Variants in UBE2H observed in about 807,000 individuals in gnomAD.
The protein encoded by UBE2H is ubiquitin-conjugating enzyme E2 H.
A neutral mutation model predicts 29.0 loss-of-function variants in UBE2H; 3 were observed. That is an observed-to-expected ratio of 0.10 (90% CI 0.05 to 0.27). UBE2H has a LOEUF of 0.27. UBE2H is among the 10% of genes least tolerant of loss of function. The pLI, the probability that UBE2H is intolerant of heterozygous loss-of-function variation, is 1.00. For missense variants in UBE2H, 68 were observed against 228.2 expected (o/e 0.30, Z 4.52); for synonymous variants, 69 against 82.9 (o/e 0.83, Z 0.91).
At chr7:129,904,557 G>A (rs1162326253) in intron 1 of UBE2H, among the ~76,000 whole-genome samples, 2 of 152,068 alleles carry the variant, frequency 1.3e-5, no homozygotes, top group East Asian at 3.9e-4. Context: ...GTACTATTTT[G>A]TCTTTTTATA....
At chr7:129,876,880 C>T (rs972109022) in intron 3 of UBE2H, among the ~76,000 whole-genome samples, 26 of 152,296 alleles carry the variant, frequency 1.7e-4, no homozygotes, top group African/African-American at 5.1e-4. Context: ...AGGGACATCT[C>T]ATGCAATCAT....
chr7:129,921,000 A>T (rs1162396394), intron 1 of UBE2H, among the ~76,000 whole-genome samples: 1 of 898 alleles, frequency 1.1e-3, no homozygotes, highest in Non-Finnish European at 0.17. Flanking sequence ...CTCTGCCTCT[A>T]AAAAAAAAAA....
chr7:129,873,070 A>G (rs1399010534), intron 3 of UBE2H, among the ~76,000 whole-genome samples: 4 of 147,882 alleles, frequency 2.7e-5, no homozygotes, highest in Non-Finnish European at 5.9e-5. Flanking sequence ...CCCAGGCTGG[A>G]GTGCCGTGGC....
At chr7:129,952,480 G>T (rs772381855) in intron 1 of UBE2H, 23 bp downstream of exon 1, 2 of 1,611,070 alleles carry the variant, frequency 1.2e-6, no homozygotes, top group Non-Finnish European at 1.7e-6. Context: ...CACACAGCCC[G>T]AATTCCCCTC....
intron 1 of UBE2H, among the ~76,000 whole-genome samples, chr7:129,907,134 C>CT (rs1487402987): frequency 3.6e-4 from 36 of 99,284 alleles, no homozygotes; most frequent in African/African-American, 8.3e-4. Context: ...AGGGGGTGTT[C>CT]TTGTTTTTTT....
intron 5 of UBE2H, among the ~76,000 whole-genome samples, chr7:129,848,658 C>G (rs1278980045): frequency 6.6e-6 from 1 of 152,170 alleles, no homozygotes; most frequent in Admixed American, 6.5e-5. Flanking sequence ...AGCTGTTGAC[C>G]TTTCAAAATT....
At chr7:129,945,792 G>A (rs992412508) in intron 1 of UBE2H, among the ~76,000 whole-genome samples, 1 of 151,890 alleles carries the variant, frequency 6.6e-6, no homozygotes, top group African/African-American at 2.4e-5. Context: ...CTAGGCTGGA[G>A]TGCAATGGCG....
At chr7:129,865,953 G>T (rs1487832357) in intron 3 of UBE2H, among the ~76,000 whole-genome samples, 2 of 152,150 alleles carry the variant, frequency 1.3e-5, no homozygotes, top group Non-Finnish European at 2.9e-5. Flanking sequence ...AGGGTGGGGG[G>T]GTGCTGCCAG....
At chr7:129,848,776 T>C (rs973468453) in intron 5 of UBE2H, among the ~76,000 whole-genome samples, 3 of 151,958 alleles carry the variant, frequency 2.0e-5, no homozygotes, top group South Asian at 4.1e-4. Context: ...ATCTCATTCA[T>C]TCCACAATTA....
At chr7:129,947,380 A>G (rs571614659) in intron 1 of UBE2H, among the ~76,000 whole-genome samples, 1 of 152,336 alleles carries the variant, frequency 6.6e-6, no homozygotes, top group East Asian at 1.9e-4. Flanking sequence ...TCACTAAAAC[A>G]GAGTCCACTG....
At chr7:129,853,684 A>G (rs961689603) in intron 5 of UBE2H, among the ~76,000 whole-genome samples, 4 of 152,264 alleles carry the variant, frequency 2.6e-5, no homozygotes, top group Middle Eastern at 3.2e-3. Context: ...CTTGGCAAAG[A>G]GAAAACAGGA....
intron 1 of UBE2H, among the ~76,000 whole-genome samples, chr7:129,901,553 T>C (rs932838923): frequency 4.6e-5 from 7 of 152,112 alleles, no homozygotes; most frequent in African/African-American, 1.7e-4. Flanking sequence ...ACTAACTGTA[T>C]ATGAGGGAGA....
intron 1 of UBE2H, among the ~76,000 whole-genome samples, chr7:129,893,092 A>G (rs1198814776): frequency 6.6e-6 from 1 of 152,234 alleles, no homozygotes; most frequent in Non-Finnish European, 1.5e-5. Flanking sequence ...AGGAGTAAAG[A>G]GTAACATACA....
intron 1 of UBE2H, among the ~76,000 whole-genome samples, chr7:129,913,094 T>C (rs1192592871): frequency 6.6e-6 from 1 of 151,552 alleles, no homozygotes; most frequent in Non-Finnish European, 1.5e-5. Context: ...CTACTAAAAA[T>C]ACAAAAAATT....
intron 1 of UBE2H, among the ~76,000 whole-genome samples, chr7:129,943,240 C>G (rs946086131): frequency 1.3e-5 from 2 of 152,196 alleles, no homozygotes; most frequent in Non-Finnish European, 2.9e-5. Context: ...ATGATCTTAA[C>G]TCACCACAAC....
intron 1 of UBE2H, among the ~76,000 whole-genome samples, chr7:129,944,632 T>A (rs1807717455): frequency 6.6e-6 from 1 of 151,668 alleles, no homozygotes; most frequent in African/African-American, 2.4e-5. Flanking sequence ...ACGACTGCAG[T>A]GAGCTGAGAT....
chr7:129,917,715 A>G (rs1287933368), intron 1 of UBE2H, among the ~76,000 whole-genome samples: 2 of 152,216 alleles, frequency 1.3e-5, no homozygotes, highest in Non-Finnish European at 2.9e-5. Flanking sequence ...AGGAGCTAGG[A>G]AACACAATTA....
At chr7:129,864,077 A>T (rs538918290) in intron 3 of UBE2H, among the ~76,000 whole-genome samples, 1 of 152,360 alleles carries the variant, frequency 6.6e-6, no homozygotes, top group East Asian at 1.9e-4. Flanking sequence ...TACAGGCGTG[A>T]GCCACTGCAC....
intron 3 of UBE2H, among the ~76,000 whole-genome samples, chr7:129,873,954 CG>C (rs1353898152): frequency 6.6e-6 from 1 of 152,140 alleles, no homozygotes; most frequent in Admixed American, 6.5e-5. Flanking sequence ...AGATATAGAT[CG>C]GTAGCATTTC....
Sources: gnomAD v4.1 joint callset for allele counts (sites outside exome capture counted in the v4.1 genomes callset) on GRCh38, gnomAD v4.1.1 for gene constraint, MANE v1.5 for transcripts, NCBI Gene and HGNC (gene_info 2026-07-23, HGNC 2026-07-21) for gene names.